Variants in FLRT2 observed in about 807,000 individuals in gnomAD.
FLRT2 encodes the protein fibronectin leucine rich transmembrane protein 2.
In FLRT2, 15 loss-of-function variants were observed where a neutral mutation model predicts 40.0. That is an observed-to-expected ratio of 0.38 (90% CI 0.25 to 0.58). The LOEUF is 0.58. FLRT2 is among the 20% of genes least tolerant of loss of function. The pLI is 0.71. For synonymous variants in FLRT2, 380 were observed against 336.8 expected (o/e 1.13, Z -1.41); for missense variants, 726 against 840.0 (o/e 0.86, Z 1.68).
At chr14:85,542,267 A>G (rs1251933294) in intron 1 of FLRT2, among the ~76,000 whole-genome samples, 1 of 152,134 alleles carries the variant, frequency 6.6e-6, no homozygotes, top group Non-Finnish European at 1.5e-5. Context: ...GTAAAAATAC[A>G]TGGTACTGGG....
At chr14:85,595,816 G>T (rs1162228887) in intron 1 of FLRT2, among the ~76,000 whole-genome samples, 1 of 152,078 alleles carries the variant, frequency 6.6e-6, no homozygotes, top group African/African-American at 2.4e-5. Context: ...CAGACCCAGT[G>T]GGAAAACTAG....
rs542411217 is a variant in FLRT2 at position 85,623,499 on chromosome 14, A to G, written c.*2A>G. 1.4e-6 allele frequency: 2 copies of G among 1,427,880 alleles called. No individual in the cohort carries two copies. Among genetic ancestry groups the G allele is most frequent in the Admixed American group, 5.4e-5 (2 of 37,086 alleles). The allele number at this position is 1,427,880 out of a possible 1,614,324, so 88.5% of individuals were successfully genotyped here. ...GACCTGGAGCACTGCCATACGTGAC[A>G]GCCAGAGGCCCAGCGTTATCAAGGC... On this transcript the variant is annotated 3_prime_UTR_variant, in exon 2 of 2. Coordinates refer to ENST00000330753, the MANE Select transcript of FLRT2 (RefSeq NM_013231.6).
rs948265216 is a variant in FLRT2 at position 85,649,739 on chromosome 14, G to A, written c.*26242G>A. Reference sequence around the variant, plus strand: ...TATCATTAATATTTTTGTGTCAATGGTGAGTTCTTCTTTTTTCTTTACCTG... The same window carrying A: ...TATCATTAATATTTTTGTGTCAATGATGAGTTCTTCTTTTTTCTTTACCTG... On this transcript the variant is annotated 3_prime_UTR_variant, in exon 2 of 2. Coordinates refer to ENST00000330753, the MANE Select transcript of FLRT2 (RefSeq NM_013231.6). 1 of 151,954 alleles carries A rather than the reference G, an allele frequency of 6.6e-6. No homozygotes were observed. The highest frequency in any genetic ancestry group is 1.5e-5 in the Non-Finnish European group (1 of 67,954). The allele number at this position is 151,954 out of a possible 1,614,324, so 9.4% of individuals were successfully genotyped here.
chr14:85,552,533 C>T (rs1566723463), intron 1 of FLRT2, among the ~76,000 whole-genome samples: 5 of 152,214 alleles, frequency 3.3e-5, no homozygotes, highest in African/African-American at 9.6e-5. Flanking sequence ...TTGATATTAA[C>T]AGGTTCCTAT....
At chr14:85,611,960 G>GTGTGTA (rs1892894772) in intron 1 of FLRT2, among the ~76,000 whole-genome samples, 1 of 142,448 alleles carries the variant, frequency 7.0e-6, no homozygotes, top group African/African-American at 2.6e-5. Flanking sequence ...GTGTGTGTGT[G>GTGTGTA]TGTATTGGGA....
rs1555373568 is a variant in FLRT2, at chr14:85,643,350, T to TTCCTTCCTTCCTTCCTTC, written c.*19853_*19854insTCCTTCCTTCCTTCCTTC. 8 of 42,826 alleles carry TTCCTTCCTTCCTTCCTTC rather than the reference T, an allele frequency of 1.9e-4. No homozygotes were observed. Among genetic ancestry groups the TTCCTTCCTTCCTTCCTTC allele is most frequent in the African/African-American group, 5.7e-4 (8 of 14,068 alleles). The allele number at this position is 42,826 out of a possible 1,614,324, so 2.7% of individuals were successfully genotyped here. ...TTCTTTCTTTCTTTCTTTCTTTCTT[T>TTCCTTCCTTCCTTCCTTC]CTTTCTTCCTTCCTTCCTTCCTTCC... On this transcript the variant is annotated 3_prime_UTR_variant, in exon 2 of 2. Coordinates refer to ENST00000330753, the MANE Select transcript of FLRT2 (RefSeq NM_013231.6).
rs1247876080 is a variant in FLRT2 at position 85,534,598 on chromosome 14, C to T, written c.-377+4064C>T. ...GTGATGTGAATTTGCCACGACTGTC[C>T]GTATGTGTGTCTGTGTGTGTGCGTG... On this transcript the variant is annotated intron_variant, in intron 1 of 1. Transcript: ENST00000330753. Among the ~76,000 whole-genome samples the T allele has an allele frequency of 1.5e-4, 22 of 150,530 alleles. No individual in the cohort carries two copies. In the Admixed American group the frequency reaches 1.5e-3, roughly 10 times the overall value.
At chr14:85,531,002 T>C (rs1888237155) in intron 1 of FLRT2, among the ~76,000 whole-genome samples, 1 of 152,192 alleles carries the variant, frequency 6.6e-6, no homozygotes, top group Non-Finnish European at 1.5e-5. Context: ...TACCTGCCCG[T>C]AATCTGGGAT....
In FLRT2 at chr14:85,634,970, T is replaced by C. The variant is rs1370114938; in HGVS notation, c.*11473T>C. On this transcript the variant is annotated 3_prime_UTR_variant, in exon 2 of 2. Coordinates refer to ENST00000330753, the MANE Select transcript of FLRT2 (RefSeq NM_013231.6). ...CATTTTCTATGTAGTTTAGATTTGG[T>C]TCATTGGACTGATTTGTGTTCTGTG... 6.6e-6 allele frequency: 1 copy of C among 152,192 alleles called. No homozygotes were observed. Among genetic ancestry groups the C allele is most frequent in the Non-Finnish European group, 1.5e-5 (1 of 68,034 alleles). The allele number at this position is 152,192 out of a possible 1,614,324, so 9.4% of individuals were successfully genotyped here.
Position 85,651,379 on chromosome 14 carries a change from T to C in FLRT2, c.*27882T>C, listed in dbSNP as rs1199519031. On this transcript the variant is annotated 3_prime_UTR_variant, in exon 2 of 2. Coordinates refer to ENST00000330753, the MANE Select transcript of FLRT2 (RefSeq NM_013231.6). ...CCTGATTGTTATCTACAGAATTCTA[T>C]GCAACTCCATTACATTAAGCTAATA... The C allele has an allele frequency of 6.6e-6, 1 of 152,078 alleles. No homozygotes were observed. The highest frequency in any genetic ancestry group is 1.5e-5 in the Non-Finnish European group (1 of 67,986). The allele number at this position is 152,078 out of a possible 1,614,324, so 9.4% of individuals were successfully genotyped here.
intron 1 of FLRT2, among the ~76,000 whole-genome samples, chr14:85,604,488 C>T: frequency 6.6e-6 from 1 of 152,152 alleles, no homozygotes. Flanking sequence ...TCATAATTCA[C>T]AGTAGTATTG....
chr14:85,583,273 T>C (rs1891471462), intron 1 of FLRT2, among the ~76,000 whole-genome samples: 1 of 152,142 alleles, frequency 6.6e-6, no homozygotes, highest in African/African-American at 2.4e-5. Context: ...TTGTAATACT[T>C]AGAGAAATAA....
chr14:85,530,328 A>C lies in FLRT2; in HGVS notation c.-583A>C, dbSNP rs56105610. 0.11 allele frequency: 16,983 copies of C among 152,622 alleles called. 1,189 individuals carry two copies. The highest frequency in any genetic ancestry group is 0.19 in the African/African-American group (7,681 of 41,488). 9.5% of individuals were successfully genotyped at this position (152,622 alleles called of 1,614,324 possible). ...TGGTGCCCAGCAGCGGCGAGGCGGC[A>C]TCTCCGCTCCCGCCGCCGTGTCCAC... On this transcript the variant is annotated 5_prime_UTR_variant, in exon 1 of 2. Coordinates refer to ENST00000330753, the MANE Select transcript of FLRT2 (RefSeq NM_013231.6).
rs1894201227 is a variant in FLRT2 at position 85,643,311 on chromosome 14, CTTTCTTTCTTTCTTTCT to C, written c.*19817_*19833del. The C allele has an allele frequency of 1.0e-5, 1 of 98,626 alleles. No individual in the cohort carries two copies. The highest frequency in any genetic ancestry group is 2.0e-5 in the Non-Finnish European group (1 of 50,678). 6.1% of individuals were successfully genotyped at this position (98,626 alleles called of 1,614,324 possible). Reference sequence around the variant, plus strand: ...CTTTTTTTTCTTTCTTTCTTTCTTTCTTTCTTTCTTTCTTTCTTTCTTTCTTTCTTTCTTTCTTTCTT... The same window carrying C: ...CTTTTTTTTCTTTCTTTCTTTCTTTCTTCTTTCTTTCTTTCTTTCTTTCTT... On this transcript the variant is annotated 3_prime_UTR_variant, in exon 2 of 2. Coordinates refer to ENST00000330753, the MANE Select transcript of FLRT2 (RefSeq NM_013231.6).
intron 1 of FLRT2, among the ~76,000 whole-genome samples, chr14:85,595,748 C>A (rs545894622): frequency 6.6e-6 from 1 of 152,174 alleles, no homozygotes; most frequent in African/African-American, 2.4e-5. Context: ...TACAGAAGGA[C>A]CCGGAAGTAA....
chr14:85,601,019 A>T (rs1892357665), intron 1 of FLRT2, among the ~76,000 whole-genome samples: 1 of 152,212 alleles, frequency 6.6e-6, no homozygotes, highest in South Asian at 2.1e-4. Context: ...AAGCCATTGG[A>T]AGTCGTGTCC....
At chr14:85,551,141 T>C (rs558627716) in intron 1 of FLRT2, among the ~76,000 whole-genome samples, 1 of 152,328 alleles carries the variant, frequency 6.6e-6, no homozygotes, top group South Asian at 2.1e-4. Context: ...ATTTAGCTAG[T>C]AGCTTAGAAG....
rs768723773 is a variant in FLRT2, at chr14:85,622,840, C to G, written c.1326C>G (p.Leu442=). Residue 442 remains leucine (L), a synonymous_variant, in exon 2 of 2, where the codon CTC becomes CTG. Coordinates refer to ENST00000330753, the MANE Select transcript of FLRT2 (RefSeq NM_013231.6). ...ATACTTCCATTCAAGTCAGCTGGCT[C>G]TCTCTCTTCACCGTGATGGCATACA... is the stretch of plus-strand genomic sequence containing the variant. ...VNDTSIQVSW[L]SLFTVMAYKL... 6.2e-6 allele frequency: 10 copies of G among 1,614,060 alleles called. No homozygotes were observed. Among genetic ancestry groups the G allele is most frequent in the Non-Finnish European group, 8.5e-6 (10 of 1,180,036 alleles).
chr14:85,648,019 A>G lies in FLRT2; in HGVS notation c.*24522A>G, dbSNP rs953663907. On this transcript the variant is annotated 3_prime_UTR_variant, in exon 2 of 2. Coordinates refer to ENST00000330753, the MANE Select transcript of FLRT2 (RefSeq NM_013231.6). ...TTTTACCTCTTTCTTTTTCCCTACA[A>G]TTTTATAAAAATGGTGATACATTTG... The G allele has an allele frequency of 6.6e-6, 1 of 152,016 alleles. No individual in the cohort carries two copies. Among genetic ancestry groups the G allele is most frequent in the Non-Finnish European group, 1.5e-5 (1 of 68,018 alleles). The allele number at this position is 152,016 out of a possible 1,614,324, so 9.4% of individuals were successfully genotyped here. A position where few individuals can be genotyped will look rare whatever the true frequency, so the allele number is the denominator to read the frequency against.
Sources: allele counts gnomAD v4.1 joint callset (sites outside exome capture counted in the v4.1 genomes callset), GRCh38; gene constraint gnomAD v4.1.1; transcripts MANE v1.5; gene names NCBI Gene and HGNC (gene_info 2026-07-23, HGNC 2026-07-21).